The following PHLPP1 variants were observed in gnomAD, a reference collection of about 807,000 sequenced individuals.
PHLPP1 encodes the protein PH domain leucine-rich repeat-containing protein phosphatase 1.
Under a neutral mutation model 117.2 loss-of-function variants are expected in PHLPP1, and 42 were observed. The ratio of observed to expected loss-of-function variants is 0.36; its 90% CI spans 0.28 to 0.46. PHLPP1 has a LOEUF of 0.46. Among genes scored for constraint, PHLPP1 ranks in the 20% least tolerant of loss-of-function variants. PHLPP1 has a pLI of 1.00. For synonymous variants in PHLPP1, 1,042 were observed against 970.7 expected, an observed-to-expected ratio of 1.07 and a Z score of -1.37; for missense variants, 2,084 against 2,241.9, an observed-to-expected ratio of 0.93 and a Z score of 1.42.
At chr18:62,967,515 C>T (rs1326699370) in intron 14 of PHLPP1, among the ~76,000 whole-genome samples, 1 of 151,748 alleles carries the variant, frequency 6.6e-6, no homozygotes, top group Non-Finnish European at 1.5e-5. Context: ...CATCCATATA[C>T]CTTCTTTGGT....
intron 10 of PHLPP1, among the ~76,000 whole-genome samples, chr18:62,941,284 T>G (rs1275357481): frequency 1.3e-5 from 2 of 152,216 alleles, no homozygotes; most frequent in African/African-American, 2.4e-5. Context: ...CACCTAATTT[T>G]TATAGAGGCA....
intron 12 of PHLPP1, among the ~76,000 whole-genome samples, chr18:62,950,785 C>T (rs768741444): frequency 1.6e-4 from 25 of 152,156 alleles, no homozygotes; most frequent in African/African-American, 3.1e-4. Context: ...CCAACCGTTG[C>T]GGAATCTAAT....
rs1010481368 is a variant in PHLPP1, at chr18:62,716,695, C to A, written c.1012C>A (p.Arg338Ser). 6.8e-7 allele frequency: 1 copy of A among 1,475,416 alleles called. No individual in the cohort carries two copies. Among genetic ancestry groups the A allele is most frequent in the Non-Finnish European group, 9.0e-7 (1 of 1,115,484 alleles). The allele number at this position is 1,475,416 out of a possible 1,614,324, so 91.4% of individuals were successfully genotyped here. A position where few individuals can be genotyped will look rare whatever the true frequency, so the allele number is the denominator to read the frequency against. ...CGTTGGGGGCCCTGTCTCTTCGCCCCGCGCCCCACGGCCTGTGGTCTCCGA... is the reference window on the plus strand; with the variant it reads ...CGTTGGGGGCCCTGTCTCTTCGCCCAGCGCCCCACGGCCTGTGGTCTCCGA... ...PFVGGPVSSPRAPRPVVSDTE... is the reference protein window; with the variant it reads ...PFVGGPVSSPSAPRPVVSDTE... Residue 338 changes from arginine to serine, a missense_variant, in exon 1 of 17, where the codon CGC (arginine) becomes AGC (serine). Around this residue, in one of 2 missense-constraint regions of PHLPP1, gnomAD observed 719 missense variants for 636.0 expected, o/e 1.13. Coordinates refer to ENST00000262719, the MANE Select transcript of PHLPP1 (RefSeq NM_194449.4). This position sits in a 1 kb window ranked among gnomAD's most constrained non-coding sequence, Gnocchi z 5.7.
chr18:62,719,606 A>G (rs1394546350), intron 1 of PHLPP1, among the ~76,000 whole-genome samples: 1 of 152,202 alleles, frequency 6.6e-6, no homozygotes, highest in Non-Finnish European at 1.5e-5. Context: ...GAAGAGGATA[A>G]TTAATGTTTG....
Position 62,895,171 on chromosome 18 carries a change from A to G in PHLPP1, c.2213+14A>G, listed in dbSNP as rs1265503369. On this transcript the variant is annotated intron_variant, in intron 5 of 16. Coordinates refer to ENST00000262719, the MANE Select transcript of PHLPP1 (RefSeq NM_194449.4). ...AGTGATGCACAAGTGTGTACTTCAA[A>G]CCCCACTGGCGGGTATATCCAGAAG... 6.2e-7 allele frequency: 1 copy of G among 1,611,130 alleles called. No homozygotes were observed. The highest frequency in any genetic ancestry group is 2.2e-5 in the East Asian group (1 of 44,836).
chr18:62,761,112 G>T (rs1228416544), intron 1 of PHLPP1, among the ~76,000 whole-genome samples: 1 of 151,824 alleles, frequency 6.6e-6, no homozygotes, highest in Non-Finnish European at 1.5e-5. Context: ...CAATCTGCCC[G>T]CCCTGGCCTC....
chr18:62,764,185 A>C (rs1390809315), intron 1 of PHLPP1, among the ~76,000 whole-genome samples: 1 of 141,030 alleles, frequency 7.1e-6, no homozygotes, highest in Non-Finnish European at 1.6e-5. Context: ...AAAAAAAAAC[A>C]ACAACAACCA....
In PHLPP1 at chr18:62,859,102, A is replaced by G. The variant is rs561921283; in HGVS notation, c.1900-1333A>G. Among the ~76,000 whole-genome samples the G allele has an allele frequency of 2.6e-5, 4 of 152,336 alleles. No individual in the cohort carries two copies. In the East Asian group the frequency reaches 7.7e-4, roughly 29 times the overall value. On this transcript the variant is annotated intron_variant, in intron 3 of 16. Coordinates refer to ENST00000262719, the MANE Select transcript of PHLPP1 (RefSeq NM_194449.4). ...GAACAGAAACCTGGGGTTTGGTAAA[A>G]GAAAAAGAGATCAGACTGATCACAG...
chr18:62,956,126 A>G (rs1910604885), intron 12 of PHLPP1, among the ~76,000 whole-genome samples: 1 of 152,224 alleles, frequency 6.6e-6, no homozygotes, highest in South Asian at 2.1e-4. Context: ...GTATGGGGCT[A>G]TTAAAGGTGG....
At chr18:62,869,724 A>G (rs1207417683) in intron 4 of PHLPP1, among the ~76,000 whole-genome samples, 1 of 152,244 alleles carries the variant, frequency 6.6e-6, no homozygotes, top group Non-Finnish European at 1.5e-5. Flanking sequence ...TTTAAGGTAG[A>G]GAATTTTAAA....
At chr18:62,798,074 G>A (rs964384884) in intron 1 of PHLPP1, among the ~76,000 whole-genome samples, 1 of 152,104 alleles carries the variant, frequency 6.6e-6, no homozygotes, top group African/African-American at 2.4e-5. Flanking sequence ...TTATAATAGT[G>A]CTTCTCAAAC....
intron 4 of PHLPP1, 59 bp downstream of exon 4, chr18:62,860,660 C>T: frequency 1.5e-6 from 2 of 1,314,548 alleles, no homozygotes; most frequent in Non-Finnish European, 2.1e-6. Flanking sequence ...TGAACTTCTG[C>T]TTGTTATCTC....
chr18:62,728,504 CTT>C (rs761250873), intron 1 of PHLPP1, among the ~76,000 whole-genome samples: 28 of 137,862 alleles, frequency 2.0e-4, no homozygotes, highest in Admixed American at 2.2e-4. Context: ...TTATCTTTAT[CTT>C]TTTTTTTTTT....
At chr18:62,722,608 A>T (rs1341191821) in intron 1 of PHLPP1, among the ~76,000 whole-genome samples, 1 of 152,128 alleles carries the variant, frequency 6.6e-6, no homozygotes, top group Non-Finnish European at 1.5e-5. Flanking sequence ...CGTCACTGTG[A>T]TTCTACGGCA....
intron 4 of PHLPP1, among the ~76,000 whole-genome samples, chr18:62,892,157 C>T (rs1425255004): frequency 7.1e-6 from 1 of 141,086 alleles, no homozygotes; most frequent in Non-Finnish European, 1.5e-5. Context: ...GGCACGATCT[C>T]GGCTCACTGT....
chr18:62,817,117 C>CT (rs1327326151), intron 1 of PHLPP1, among the ~76,000 whole-genome samples: 3 of 151,966 alleles, frequency 2.0e-5, no homozygotes, highest in Admixed American at 1.3e-4. Flanking sequence ...AATTTTTGTA[C>CT]TTTTTTGTAG....
At chr18:62,840,363 CT>C (rs2144342176) in intron 3 of PHLPP1, among the ~76,000 whole-genome samples, 1 of 152,308 alleles carries the variant, frequency 6.6e-6, no homozygotes, top group Non-Finnish European at 1.5e-5. Flanking sequence ...TAAGGCAGCA[CT>C]CCTGCAGGGA....
chr18:62,737,451 G>C (rs1337891980), intron 1 of PHLPP1, among the ~76,000 whole-genome samples: 1 of 152,226 alleles, frequency 6.6e-6, no homozygotes, highest in Non-Finnish European at 1.5e-5. Context: ...GCCAGCTGGA[G>C]GATAGATTGG....
intron 4 of PHLPP1, among the ~76,000 whole-genome samples, chr18:62,884,403 G>A (rs549110536): frequency 7.2e-5 from 11 of 152,316 alleles, no homozygotes; most frequent in Admixed American, 3.3e-4. Flanking sequence ...TTGTTAAAAT[G>A]AGCATTATTG....
Sources: allele counts gnomAD v4.1 joint callset (sites outside exome capture counted in the v4.1 genomes callset), GRCh38; gene constraint gnomAD v4.1.1; regional missense constraint gnomAD v4.1.1; non-coding constraint Gnocchi (gnomAD v3.1); transcripts MANE v1.5; gene names NCBI Gene and HGNC (gene_info 2026-07-23, HGNC 2026-07-21).